Variants in ATP5ME observed in about 807,000 individuals in gnomAD.
ATP5ME encodes ATP synthase membrane subunit e.
ATP5ME carries 10 observed loss-of-function variants against 11.6 expected under a neutral mutation model. That is an observed-to-expected ratio of 0.86 (90% CI 0.53 to 1.46). ATP5ME has a LOEUF of 1.46. Among genes scored for constraint, ATP5ME ranks in the 40% most tolerant of loss-of-function variants. The pLI, the probability that ATP5ME is intolerant of heterozygous loss-of-function variation, is 0.00. For missense variants in ATP5ME, 115 were observed against 85.4 expected (o/e 1.35, Z -1.37); for synonymous variants, 45 against 33.5 (o/e 1.34, Z -1.19).
Position 672,495 on chromosome 4 carries a change from G to A in ATP5ME, c.*5C>T. ...GCTGGTCCAAAGAGTGGGTCGCAGG[G>A]TCACTCACTTTAATATGCTGTCATC... On this transcript the variant is annotated 3_prime_UTR_variant, in exon 4 of 4. Transcript: ENST00000304312. 2.5e-6 allele frequency: 4 copies of A among 1,614,022 alleles called. No homozygotes were observed. Among genetic ancestry groups the A allele is most frequent in the South Asian group, 1.1e-5 (1 of 91,084 alleles).
intron 3 of ATP5ME, 76 bp from the exon 4 acceptor site, chr4:672,595 T>TA: frequency 7.2e-7 from 1 of 1,382,550 alleles, no homozygotes; most frequent in Non-Finnish European, 9.7e-7. Flanking sequence ...GCTTCCCAGT[T>TA]ATTTTTTTTT....
intron 3 of ATP5ME, 141 bp downstream of exon 3, chr4:673,162 C>T (rs1738603187): frequency 2.2e-6 from 3 of 1,367,232 alleles, no homozygotes; most frequent in Non-Finnish European, 3.0e-6. Flanking sequence ...GGGATACAGG[C>T]ATGAGCCACC....
At position 672,464 on chromosome 4, in the gene ATP5ME, T is replaced by A. The variant is rs771817594; in HGVS notation, c.*36A>T. On this transcript the variant is annotated 3_prime_UTR_variant, in exon 4 of 4. Transcript: ENST00000304312. ...CACACAACACAGGAAGCTTTATTCA[T>A]CCGCTGCTGGTCCAAAGAGTGGGTC... 1.9e-6 allele frequency: 3 copies of A among 1,613,510 alleles called. No individual in the cohort carries two copies. The Admixed American group carries it at 5.0e-5, about 27-fold the overall frequency.
intron 3 of ATP5ME, 74 bp downstream of exon 3, chr4:673,229 A>G: frequency 6.2e-7 from 1 of 1,609,876 alleles, no homozygotes; most frequent in South Asian, 1.1e-5. Flanking sequence ...CTCTGCTTAA[A>G]TGTCCTCCTC....
At chr4:674,142 G>A in intron 1 of ATP5ME, 70 bp downstream of exon 1, 1 of 1,539,612 alleles carries the variant, frequency 6.5e-7, no homozygotes, top group Non-Finnish European at 8.8e-7. Context: ...GCAGCCCGCG[G>A]GGTCGGAGCT....
intron 1 of ATP5ME, 58 bp downstream of exon 1, chr4:674,154 C>T (rs1577321964): frequency 4.5e-6 from 3 of 663,708 alleles, no homozygotes; most frequent in Non-Finnish European, 5.9e-6. Context: ...GTCGGAGCTG[C>T]GGGGCGGGAC....
rs1342523390 is a variant in ATP5ME at position 673,958 on chromosome 4, G to A, written c.45C>T (p.Arg15=). Reference sequence around the variant, plus strand: ...CCACACCGAGGAACAGGGCGGAGTAGCGGCCGAGCTGCGAAAGAGGTTGGT... The same window carrying A: ...CCACACCGAGGAACAGGGCGGAGTAACGGCCGAGCTGCGAAAGAGGTTGGT... ...VQVSPLIKLG[R]YSALFLGVAY... is the part of the protein sequence containing the mutation. Residue 15 remains arginine, a synonymous_variant, in exon 2 of 4, where the codon CGC becomes CGT. Coordinates refer to ENST00000304312, the MANE Select transcript of ATP5ME (RefSeq NM_007100.4). The A allele has an allele frequency of 2.6e-6, 4 of 1,545,346 alleles. No homozygotes were observed. Among genetic ancestry groups the A allele is most frequent in the Non-Finnish European group, 3.5e-6 (4 of 1,146,814 alleles).
chr4:673,880 A>ACCCCGCCCCGG, intron 2 of ATP5ME, 32 bp downstream of exon 2: 2 of 1,543,648 alleles, frequency 1.3e-6, no homozygotes, highest in Non-Finnish European at 1.7e-6. Context: ...AGCCGAGCAG[A>ACCCCGCCCCGG]CCCCGCCCCG....
chr4:674,033 G>C, intron 1 of ATP5ME, 67 bp from the exon 2 acceptor site: 2 of 1,523,376 alleles, frequency 1.3e-6, no homozygotes, highest in East Asian at 2.5e-5. Context: ...CGGGAGGAGG[G>C]GGGGCGGGGT....
At chr4:673,846 A>C in intron 2 of ATP5ME, 66 bp downstream of exon 2, 1 of 1,534,642 alleles carries the variant, frequency 6.5e-7, no homozygotes, top group Non-Finnish European at 8.8e-7. Context: ...GAGTTCTCCA[A>C]ATAGCACAGG....
intron 3 of ATP5ME, among the ~76,000 whole-genome samples, 159 bp downstream of exon 3, chr4:673,144 A>G (rs1056313345): frequency 6.6e-6 from 1 of 152,224 alleles, no homozygotes; most frequent in Non-Finnish European, 1.5e-5. Context: ...TTGGCCTCCC[A>G]AAGTGCTGGG....
At position 672,529 on chromosome 4, in the gene ATP5ME, G is replaced by T; in HGVS notation, c.191-10C>A. ...TTTAATATGCTGTCATCTTGGGCCG[G>T]AAGGTTAGAAGAAAAGCACATGTTA... On this transcript the variant is annotated splice_polypyrimidine_tract_variant and intron_variant, in intron 3 of 3. Transcript: ENST00000304312. The T allele has an allele frequency of 6.2e-7, 1 of 1,613,842 alleles. No homozygotes were observed. The highest frequency in any genetic ancestry group is 8.5e-7 in the Non-Finnish European group (1 of 1,179,946).
intron 2 of ATP5ME, chr4:673,607 C>G (rs1400480671): frequency 1.1e-6 from 1 of 887,822 alleles, no homozygotes; most frequent in Non-Finnish European, 1.7e-6. Flanking sequence ...CACCCGCTCA[C>G]GCACTGGCTC....
At position 673,396 on chromosome 4, in the gene ATP5ME, G is replaced by C. The variant is rs777730658; in HGVS notation, c.97C>G (p.Leu33Val). The C allele has an allele frequency of 1.7e-5, 28 of 1,614,008 alleles. No homozygotes were observed. The highest frequency in any genetic ancestry group is 2.2e-5 in the Non-Finnish European group (26 of 1,180,022). The change falls in exon 3 of 4, where the codon CTA becomes GTA. Residue 33 changes from leucine to valine, a missense_variant. Leu to Val is a conservative substitution (Grantham distance 32). Transcript: ENST00000304312. Reference protein sequence around the residue: ...VAYGATRYNYLKPRAEEERRI... With the variant: ...VAYGATRYNYVKPRAEEERRI... The stretch of plus-strand genomic sequence containing the variant: ...CTCTCCTCTTCTGCCCGAGGTTTTA[G>C]GTAATCTGTTTGGCGGAATGCAGGA...
chr4:673,738 C>CTTTGG, intron 2 of ATP5ME, 174 bp downstream of exon 2: 1 of 1,049,194 alleles, frequency 9.5e-7, no homozygotes, highest in Non-Finnish European at 1.4e-6. Flanking sequence ...CCTCAGAAGC[C>CTTTGG]TGAGCTTTGG....
chr4:673,830 G>C (rs116499117), intron 2 of ATP5ME, 82 bp downstream of exon 2: 1 of 1,511,106 alleles, frequency 6.6e-7, no homozygotes, highest in South Asian at 1.2e-5. Flanking sequence ...CCCCCTTCCA[G>C]AGCTGGAGTT....
At position 673,848 on chromosome 4, in the gene ATP5ME, T is replaced by C. The variant is rs1738645870; in HGVS notation, c.91+64A>G. ...CCTTCCAGAGCTGGAGTTCTCCAAA[T>C]AGCACAGGAGCTCCACAGGAAAGCC... On this transcript the variant is annotated intron_variant, in intron 2 of 3. Coordinates refer to ENST00000304312, the MANE Select transcript of ATP5ME (RefSeq NM_007100.4). The C allele has an allele frequency of 1.1e-5, 17 of 1,534,542 alleles. No homozygotes were observed. In the South Asian group the frequency reaches 1.9e-4, roughly 17 times the overall value.
At chr4:674,035 G>T in intron 1 of ATP5ME, 69 bp from the exon 2 acceptor site, 1 of 1,520,438 alleles carries the variant, frequency 6.6e-7, no homozygotes. Flanking sequence ...GGAGGAGGGG[G>T]GGCGGGGTCG....
intron 3 of ATP5ME, 84 bp downstream of exon 3, chr4:673,219 C>T (rs1738606392): frequency 6.2e-7 from 1 of 1,602,248 alleles, no homozygotes; most frequent in Non-Finnish European, 8.5e-7. Context: ...ATCTACTTAG[C>T]TCTGCTTAAA....
Sources: allele counts gnomAD v4.1 joint callset (sites outside exome capture counted in the v4.1 genomes callset), GRCh38; gene constraint gnomAD v4.1.1; transcripts MANE v1.5; gene names NCBI Gene and HGNC (gene_info 2026-07-23, HGNC 2026-07-21).